Variants in SLC15A5 observed in about 807,000 individuals in gnomAD.
SLC15A5 encodes Peptide/histidine transporter ENSP00000340402.
SLC15A5 carries 58 observed loss-of-function variants against 56.1 expected under a neutral mutation model. The ratio of observed to expected loss-of-function variants is 1.03; its 90% CI spans 0.84 to 1.29. SLC15A5 has a LOEUF of 1.29. Among genes scored for constraint, SLC15A5 ranks in the 50% most tolerant of loss-of-function variants. The pLI, the probability that SLC15A5 is intolerant of heterozygous loss-of-function variation, is 0.00. For missense variants in SLC15A5, 681 were observed against 672.1 expected, an observed-to-expected ratio of 1.01 and a Z score of -0.15; for synonymous variants, 264 against 250.5, an observed-to-expected ratio of 1.05 and a Z score of -0.51.
At position 16,224,675 on chromosome 12, in the gene SLC15A5, T is replaced by G. The variant is rs966444536; in HGVS notation, c.1163-73A>C. The stretch of plus-strand genomic sequence containing the variant: ...AGATTCATGTAATAAGCCATAACAT[T>G]TCTTACCCATTGACATTAGATGTTT... On this transcript the variant is annotated intron_variant, in intron 5 of 8. Transcript: ENST00000344941. 8.2e-6 allele frequency: 11 copies of G among 1,347,414 alleles called. No individual in the cohort carries two copies. In the African/African-American group the frequency reaches 1.6e-4, roughly 20 times the overall value. The allele number at this position is 1,347,414 out of a possible 1,614,324, so 83.5% of individuals were successfully genotyped here.
In SLC15A5 at chr12:16,216,960, T is replaced by C. The variant is rs571218029; in HGVS notation, c.1416A>G (p.Thr472=). 9.8e-6 allele frequency: 15 copies of C among 1,536,904 alleles called. No individual in the cohort carries two copies. In the African/African-American group the frequency reaches 1.9e-4, roughly 20 times the overall value. Residue 472 remains threonine, a synonymous_variant, in exon 7 of 9, where the codon ACA becomes ACG. Coordinates refer to ENST00000344941, the MANE Select transcript of SLC15A5 (RefSeq NM_001170798.1). ...NVRGTSMNFL[T]LFNGFGCFTG... ...TGAAACAGCCAAATCCATTGAACAGTGTCAGAAAATTCATGGAGGTTCCTC... is the reference window on the plus strand; with the variant it reads ...TGAAACAGCCAAATCCATTGAACAGCGTCAGAAAATTCATGGAGGTTCCTC...
chr12:16,219,546 T>C (rs1864165899), intron 6 of SLC15A5, among the ~76,000 whole-genome samples: 1 of 152,198 alleles, frequency 6.6e-6, no homozygotes, highest in Non-Finnish European at 1.5e-5. Flanking sequence ...GCTTTTCTCC[T>C]GCTAGAACTT....
At chr12:16,255,379 T>G (rs1331964974) in intron 3 of SLC15A5, among the ~76,000 whole-genome samples, 1 of 152,064 alleles carries the variant, frequency 6.6e-6, no homozygotes, top group Non-Finnish European at 1.5e-5. Flanking sequence ...AATGCAAATT[T>G]AAACCACAGC....
At chr12:16,239,928 C>T (rs1288624052) in intron 4 of SLC15A5, 61 bp from the exon 5 acceptor site, 17 of 1,434,162 alleles carry the variant, frequency 1.2e-5, no homozygotes, top group Non-Finnish European at 1.5e-5. Flanking sequence ...AAGAAAGCAT[C>T]GTCCACCAGA....
intron 6 of SLC15A5, among the ~76,000 whole-genome samples, chr12:16,217,593 T>G (rs555840052): frequency 6.6e-6 from 1 of 152,202 alleles, no homozygotes; most frequent in African/African-American, 2.4e-5. Flanking sequence ...GTTATTCACT[T>G]GCAGAGGTGC....
chr12:16,191,198 G>A (rs770528147), intron 8 of SLC15A5, among the ~76,000 whole-genome samples: 13 of 152,012 alleles, frequency 8.6e-5, no homozygotes, highest in Non-Finnish European at 1.8e-4. Flanking sequence ...TTATATTTAT[G>A]GATAATTCCT....
At chr12:16,264,224 A>G (rs891313890) in intron 2 of SLC15A5, among the ~76,000 whole-genome samples, 1 of 152,222 alleles carries the variant, frequency 6.6e-6, no homozygotes, top group Non-Finnish European at 1.5e-5. Context: ...TTGCATTAGC[A>G]TGACCTAAAT....
chr12:16,257,834 C>T lies in SLC15A5; in HGVS notation c.621G>A (p.Val207=). The T allele has an allele frequency of 6.6e-7, 1 of 1,511,456 alleles. No homozygotes were observed. The highest frequency in any genetic ancestry group is 8.8e-7 in the Non-Finnish European group (1 of 1,138,378). The allele number at this position is 1,511,456 out of a possible 1,614,324, so 93.6% of individuals were successfully genotyped here. The change falls in exon 3 of 9, where the codon GTG becomes GTA. Residue 207 remains valine (V), a synonymous_variant. Transcript: ENST00000344941. ...YWLMNLNATI[V]FLGISYIQHS... ...GCTGGATGTAAGATATTCCCAGAAA[C>T]ACAATAGTTGCATTTAGGTTCATGA...
chr12:16,222,239 G>A, intron 6 of SLC15A5, among the ~76,000 whole-genome samples: 1 of 152,090 alleles, frequency 6.6e-6, no homozygotes, highest in East Asian at 1.9e-4. Context: ...CCAGAAATGA[G>A]GAATAATTTT....
rs138221754 is a variant in SLC15A5 at position 16,208,279 on chromosome 12, A to C, written c.1483+8614T>G. ...GACCGAGTCCAACATTCCTTTCTTCAGGGCATTAGCTCCATAAATTCTCTG... is the reference window on the plus strand; with the variant it reads ...GACCGAGTCCAACATTCCTTTCTTCCGGGCATTAGCTCCATAAATTCTCTG... On this transcript the variant is annotated intron_variant, in intron 7 of 8. Coordinates refer to ENST00000344941, the MANE Select transcript of SLC15A5 (RefSeq NM_001170798.1). Among the ~76,000 whole-genome samples the C allele has an allele frequency of 7.1e-3, 1,084 of 152,306 alleles. 7 individuals carry two copies. The highest frequency in any genetic ancestry group is 0.012 in the Non-Finnish European group (812 of 68,026).
chr12:16,276,830 A>C (rs577207648), intron 1 of SLC15A5, among the ~76,000 whole-genome samples: 40 of 152,176 alleles, frequency 2.6e-4, no homozygotes, highest in African/African-American at 7.7e-4. Flanking sequence ...ATCATAGTTA[A>C]AAATATAGAA....
rs1256800093 is a variant in SLC15A5, at chr12:16,269,494, C to T, written c.584+3067G>A. ...GCACCTAGGATTGACAATCATTGTT[C>T]TCAATGTTCTTGTGAATATTAAAAT... On this transcript the variant is annotated intron_variant, in intron 2 of 8. Coordinates refer to ENST00000344941, the MANE Select transcript of SLC15A5 (RefSeq NM_001170798.1). This position sits in a 1 kb window ranked among gnomAD's most constrained non-coding sequence, Gnocchi z 4.7. 2.0e-5 allele frequency among the ~76,000 whole-genome samples: 3 copies of T among 152,122 alleles called. No individual in the cohort carries two copies. Among genetic ancestry groups the T allele is most frequent in the African/African-American group, 7.2e-5 (3 of 41,414 alleles).
chr12:16,230,915 TCC>T (rs1054639396), intron 5 of SLC15A5, among the ~76,000 whole-genome samples: 6 of 129,380 alleles, frequency 4.6e-5, no homozygotes, highest in Admixed American at 4.1e-4. Context: ...AGAGCAAGAC[TCC>T]GTCTCAAAAA....
Position 16,189,774 on chromosome 12 carries a change from C to T in SLC15A5, c.1634G>A (p.Gly545Glu). ...LNHFNAQNIR[G>E]SNLEETLLLH... ...GAGAAGTGTTTCTTCAAGATTACTT[C>T]CACGGATGTTCTGGGCATTAAAATG... Residue 545 changes from glycine (G) to glutamate (E), a missense_variant, in exon 9 of 9, where the codon GGA becomes GAA. Physicochemically the swap from Gly to Glu is moderately conservative, Grantham distance 98. Transcript: ENST00000344941. The T allele has an allele frequency of 1.3e-6, 2 of 1,527,914 alleles. No homozygotes were observed. Among genetic ancestry groups the T allele is most frequent in the Middle Eastern group, 1.7e-4 (1 of 5,934 alleles). 94.6% of individuals were successfully genotyped at this position (1,527,914 alleles called of 1,614,324 possible).
intron 3 of SLC15A5, among the ~76,000 whole-genome samples, chr12:16,252,385 G>A (rs146973078): frequency 4.9e-4 from 75 of 151,992 alleles, no homozygotes; most frequent in African/African-American, 1.7e-3. Flanking sequence ...GTTCACAGAC[G>A]GCATGATCTT....
intron 8 of SLC15A5, among the ~76,000 whole-genome samples, chr12:16,190,996 A>ACCAAATGTGGGATAG (rs1483602982): frequency 1.3e-5 from 2 of 152,094 alleles, no homozygotes; most frequent in Non-Finnish European, 2.9e-5. Context: ...TTATTTTAGC[A>ACCAAATGTGGGATAG]CCAAATGTGG....
At chr12:16,194,585 T>C in intron 7 of SLC15A5, 132 bp from the exon 8 acceptor site, 1 of 549,610 alleles carries the variant, frequency 1.8e-6, no homozygotes, top group Non-Finnish European at 3.1e-6. Flanking sequence ...CATCTGAAAC[T>C]TGATTGTCAA....
At chr12:16,213,573 A>G (rs966340303) in intron 7 of SLC15A5, among the ~76,000 whole-genome samples, 29 of 152,202 alleles carry the variant, frequency 1.9e-4, no homozygotes, top group African/African-American at 6.8e-4. Context: ...TTATGCTACT[A>G]CATCTTCTAT....
intron 5 of SLC15A5, among the ~76,000 whole-genome samples, chr12:16,230,180 C>T (rs576740589): frequency 2.2e-4 from 34 of 152,168 alleles, no homozygotes; most frequent in South Asian, 1.9e-3. Context: ...GTTTAGAATA[C>T]GGAGAATATT....
Sources: gnomAD v4.1 joint callset for allele counts (sites outside exome capture counted in the v4.1 genomes callset) on GRCh38, gnomAD v4.1.1 for gene constraint, Gnocchi (gnomAD v3.1) non-coding constraint, MANE v1.5 for transcripts, NCBI Gene and HGNC (gene_info 2026-07-23, HGNC 2026-07-21) for gene names.